PPP1CC: variants seen among roughly 807,000 people sequenced by gnomAD.
PPP1CC encodes protein phosphatase 1 catalytic subunit gamma.
Under a neutral mutation model 38.4 loss-of-function variants are expected in PPP1CC, and 16 were observed. The ratio of observed to expected loss-of-function variants is 0.42; its 90% CI spans 0.28 to 0.63. PPP1CC has a LOEUF of 0.63. PPP1CC is among the 30% of genes least tolerant of loss of function. PPP1CC has a pLI of 0.25. For missense variants in PPP1CC, 170 were observed against 391.3 expected (o/e 0.43, Z 4.77); for synonymous variants, 158 against 136.0 (o/e 1.16, Z -1.13).
chr12:110,723,980 T>G (rs1177413098), intron 4 of PPP1CC, among the ~76,000 whole-genome samples: 1 of 152,194 alleles, frequency 6.6e-6, no homozygotes, highest in Non-Finnish European at 1.5e-5. Context: ...GGCTCAAGTC[T>G]GTAATCCCAG....
Position 110,720,287 on chromosome 12 carries a change from C to G in PPP1CC, c.*789G>C. On this transcript the variant is annotated 3_prime_UTR_variant, in exon 7 of 7. Transcript: ENST00000335007. The stretch of plus-strand genomic sequence containing the variant: ...CTTTTATCGTTAGTAGCTTAAACAG[C>G]ACTATATCACTAATTGCTATTCAAA... 8.8e-7 allele frequency: 1 copy of G among 1,140,132 alleles called. No homozygotes were observed. The highest frequency in any genetic ancestry group is 1.3e-6 in the Non-Finnish European group (1 of 798,966). 70.6% of individuals were successfully genotyped at this position (1,140,132 alleles called of 1,614,324 possible).
chr12:110,728,460 AAC>A (rs991066194), intron 3 of PPP1CC, among the ~76,000 whole-genome samples: 1 of 152,096 alleles, frequency 6.6e-6, no homozygotes, highest in African/African-American at 2.4e-5. Context: ...AAGTATCCAA[AAC>A]ACAGTGTTGG....
intron 1 of PPP1CC, among the ~76,000 whole-genome samples, chr12:110,735,599 T>G (rs563793938): frequency 6.6e-6 from 1 of 151,604 alleles, no homozygotes; most frequent in South Asian, 2.1e-4. Context: ...CTGGCCAACA[T>G]GGTGAAACCC....
At chr12:110,727,612 T>TTA (rs1566084126) in intron 3 of PPP1CC, among the ~76,000 whole-genome samples, 1 of 133,404 alleles carries the variant, frequency 7.5e-6, no homozygotes, top group Non-Finnish European at 1.6e-5. Context: ...TTTACAAAGT[T>TTA]AAAAAAAAAA....
chr12:110,722,685 T>C lies in PPP1CC; in HGVS notation c.534A>G (p.Pro178=). The change falls in exon 5 of 7, where the codon CCA becomes CCG. Residue 178 remains proline, a synonymous_variant. Coordinates refer to ENST00000335007, the MANE Select transcript of PPP1CC (RefSeq NM_002710.4). This position sits in a 1 kb window ranked among gnomAD's most constrained non-coding sequence, Gnocchi z 5.4. ...GAATCTGCTCCATAGATTGAAGATC[T>C]GGTGATAAACCTATTCAATGAGGAA... The part of the protein sequence containing the change: ...KIFCCHGGLS[P]DLQSMEQIRR... 3 of 1,611,682 alleles carry C rather than the reference T, an allele frequency of 1.9e-6. No homozygotes were observed. The highest frequency in any genetic ancestry group is 2.5e-6 in the Non-Finnish European group (3 of 1,178,954).
intron 1 of PPP1CC, chr12:110,732,138 T>A: frequency 1.8e-6 from 1 of 567,766 alleles, no homozygotes; most frequent in Non-Finnish European, 3.1e-6. Flanking sequence ...AAAGGAGCCA[T>A]CCTGTCTGTG....
the PPP1CC span, among the ~76,000 whole-genome samples, chr12:110,714,619 C>T: frequency 1.3e-5 from 2 of 151,446 alleles, no homozygotes; most frequent in African/African-American, 4.9e-5. Flanking sequence ...CCAGCCTGGC[C>T]AACGTAGTAA....
At chr12:110,714,805 CAAAAAAAAAAAA>C (rs1164975036), downstream of PPP1CC, among the ~76,000 whole-genome samples, 11 of 22,064 alleles carry the variant, frequency 5.0e-4, no homozygotes, top group African/African-American at 3.6e-4. Flanking sequence ...GACTCTGTCT[CAAAAAAAAAAAA>C]AAAAAAAAAA....
intron 1 of PPP1CC, among the ~76,000 whole-genome samples, chr12:110,738,805 A>G (rs2069977945): frequency 6.6e-6 from 1 of 152,170 alleles, no homozygotes; most frequent in Admixed American, 6.5e-5. Flanking sequence ...AAGGAGAGTA[A>G]TCCTTTTTCA....
At chr12:110,711,894 C>T in the PPP1CC span, among the ~76,000 whole-genome samples, 1 of 152,026 alleles carries the variant, frequency 6.6e-6, no homozygotes, top group Non-Finnish European at 1.5e-5. Flanking sequence ...CATTGCACTC[C>T]AGCCTGGGCA....
In PPP1CC at chr12:110,722,074, A is replaced by G. The variant is rs1271682807; in HGVS notation, c.882+61T>C. ...ACACTAGGCAAAAAGTAGCAATTAT[A>G]TTTTTCAATCAGCAAAGTGTAAACA... On this transcript the variant is annotated intron_variant, in intron 6 of 6. Coordinates refer to ENST00000335007, the MANE Select transcript of PPP1CC (RefSeq NM_002710.4). The surrounding 1 kb of genome is among the most constrained non-coding windows in gnomAD (Gnocchi z 5.4). The G allele has an allele frequency of 6.3e-7, 1 of 1,599,152 alleles. No homozygotes were observed. The highest frequency in any genetic ancestry group is 1.7e-5 in the Admixed American group (1 of 58,100).
At chr12:110,726,622 A>C (rs1405265337) in intron 3 of PPP1CC, 2 of 152,114 alleles carry the variant, frequency 1.3e-5, no homozygotes, top group African/African-American at 4.8e-5. Flanking sequence ...TCCAACAGCA[A>C]TACTACTACT....
the PPP1CC span, among the ~76,000 whole-genome samples, chr12:110,714,538 T>G: frequency 6.6e-6 from 1 of 151,612 alleles, no homozygotes; most frequent in Non-Finnish European, 1.5e-5. Context: ...AATCAAAACT[T>G]GGGAAGGCCT....
chr12:110,711,970 A>C, the PPP1CC span, among the ~76,000 whole-genome samples: 3 of 152,142 alleles, frequency 2.0e-5, no homozygotes, highest in Non-Finnish European at 4.4e-5. Flanking sequence ...AAATACAGTC[A>C]CATGCCACCT....
At chr12:110,729,383 T>G (rs548418113) in intron 3 of PPP1CC, among the ~76,000 whole-genome samples, 1 of 152,084 alleles carries the variant, frequency 6.6e-6, no homozygotes, top group Admixed American at 6.5e-5. Flanking sequence ...TTAGTAGAGA[T>G]GAGGTTTCCT....
At chr12:110,709,932 AAATAATAATAATAATAAT>A in the PPP1CC span, among the ~76,000 whole-genome samples, 26 of 142,056 alleles carry the variant, frequency 1.8e-4, no homozygotes, top group East Asian at 1.4e-3. Context: ...AAAAACTCCA[AAATAATAATAATAATAAT>A]AATAATAATA....
At chr12:110,710,596 T>C in the PPP1CC span, among the ~76,000 whole-genome samples, 212 of 151,436 alleles carry the variant, frequency 1.4e-3, 1 homozygote, top group African/African-American at 4.7e-3. Flanking sequence ...TGGGTGCCTG[T>C]AGTCCCAGCT....
chr12:110,712,666 A>AGT, the PPP1CC span, among the ~76,000 whole-genome samples: 1,657 of 112,344 alleles, frequency 0.015, 86 homozygotes, highest in African/African-American at 0.047. Context: ...AAAAAAAAAA[A>AGT]GGGGGGGCAC....
Position 110,722,205 on chromosome 12 carries a change from T to G in PPP1CC, c.812A>C (p.Asn271Thr). ...RQLVTLFSAPNYCGEFDNAGA... is the reference protein window; with the variant it reads ...RQLVTLFSAPTYCGEFDNAGA... Reference sequence around the variant, plus strand: ...TGCATTGTCAAACTCTCCGCAATAATTGGGCGCAGAAAACAGAGTGACCAA... The same window carrying G: ...TGCATTGTCAAACTCTCCGCAATAAGTGGGCGCAGAAAACAGAGTGACCAA... Residue 271 changes from asparagine to threonine, a missense_variant, in exon 6 of 7, where the codon AAT (asparagine) becomes ACT (threonine). Around this residue, in one of 3 missense-constraint regions of PPP1CC, gnomAD observed 117 missense variants for 344.4 expected, o/e 0.34. Transcript: ENST00000335007. This position sits in a 1 kb window ranked among gnomAD's most constrained non-coding sequence, Gnocchi z 5.4. The G allele has an allele frequency of 1.2e-6, 2 of 1,614,184 alleles. No individual in the cohort carries two copies. Among genetic ancestry groups the G allele is most frequent in the Non-Finnish European group, 1.7e-6 (2 of 1,180,022 alleles).
Sources: gnomAD v4.1 joint callset for allele counts (sites outside exome capture counted in the v4.1 genomes callset) on GRCh38, gnomAD v4.1.1 for gene constraint, gnomAD v4.1.1 regional missense constraint, Gnocchi (gnomAD v3.1) non-coding constraint, MANE v1.5 for transcripts, NCBI Gene and HGNC (gene_info 2026-07-23, HGNC 2026-07-21) for gene names.